Variants in ZFHX3 observed in about 807,000 individuals in gnomAD.
The protein encoded by ZFHX3 is zinc finger homeobox 3.
A neutral mutation model predicts 279.1 loss-of-function variants in ZFHX3; 42 were observed. That is an observed-to-expected ratio of 0.15 (90% CI 0.12 to 0.19). ZFHX3 has a LOEUF of 0.19. Ranked by LOEUF, ZFHX3 falls within the 10% of genes least tolerant of loss-of-function variation. ZFHX3 has a pLI of 1.00. For synonymous variants in ZFHX3, 2,293 were observed against 1,957.8 expected (o/e 1.17, Z -4.52); for missense variants, 4,981 against 4,754.0 (o/e 1.05, Z -1.40).
At chr16:73,401,343 T>C (rs66517548) in intron 3 of ZFHX3, 1 of 119,642 alleles carries the variant, frequency 8.4e-6, no homozygotes, top group Non-Finnish European at 1.8e-5. Context: ...AACCCACAGG[T>C]ACATTTAAAA....
At chr16:73,161,660 C>T (rs886160640) in intron 5 of ZFHX3, among the ~76,000 whole-genome samples, 7 of 152,288 alleles carry the variant, frequency 4.6e-5, no homozygotes, top group Admixed American at 1.3e-4. Flanking sequence ...CACCACCTCT[C>T]GGCCCCTTCT....
chr16:72,956,304 T>G (rs895703344), intron 2 of ZFHX3, among the ~76,000 whole-genome samples: 5 of 152,170 alleles, frequency 3.3e-5, no homozygotes, highest in Admixed American at 1.3e-4. Flanking sequence ...CCTATTCCCA[T>G]GTCAATAATG....
At chr16:73,193,037 C>T (rs2144890643) in intron 5 of ZFHX3, among the ~76,000 whole-genome samples, 2 of 152,284 alleles carry the variant, frequency 1.3e-5, no homozygotes, top group Non-Finnish European at 1.5e-5. Context: ...AAGTGCTTTG[C>T]GTGGGTTCAG....
chr16:72,959,626 G>A lies in ZFHX3; in HGVS notation c.520C>T (p.Leu174Phe). The change falls in exon 2 of 10, where the codon CTC becomes TTC. Residue 174 changes from leucine to phenylalanine, a missense_variant. Around this residue, in one of 7 missense-constraint regions of ZFHX3, gnomAD observed 1,068 missense variants for 935.2 expected, o/e 1.14. Transcript: ENST00000268489. ...CCTTGCTTGCCCCCCGCGCCAGGGA[G>A]AGAGTTCAGGAAAAGCGAGGGGAGA... ...GPLPSLFLNS[L>F]PGAGGKQGDP... The A allele has an allele frequency of 1.2e-6, 2 of 1,614,130 alleles. No homozygotes were observed. The highest frequency in any genetic ancestry group is 1.7e-6 in the Non-Finnish European group (2 of 1,180,030).
chr16:73,336,038 A>T (rs1374916027), intron 3 of ZFHX3, among the ~76,000 whole-genome samples: 1 of 152,166 alleles, frequency 6.6e-6, no homozygotes, highest in Non-Finnish European at 1.5e-5. Flanking sequence ...AAGTTGTGTT[A>T]ACAGCTGGAG....
intron 1 of ZFHX3, among the ~76,000 whole-genome samples, chr16:72,967,760 CA>C (rs1201182514): frequency 0.036 from 2,929 of 81,602 alleles, 87 homozygotes; most frequent in African/African-American, 0.096. Flanking sequence ...ACTAAAAATA[CA>C]AAAAAAAAAA....
At chr16:73,205,226 G>A (rs1291953488) in intron 5 of ZFHX3, among the ~76,000 whole-genome samples, 3 of 152,088 alleles carry the variant, frequency 2.0e-5, no homozygotes, top group Admixed American at 2.0e-4. Flanking sequence ...AACCCACCTT[G>A]AGATCTCACA....
At chr16:73,642,255 G>A (rs1392372112) in intron 2 of ZFHX3, among the ~76,000 whole-genome samples, 2 of 152,172 alleles carry the variant, frequency 1.3e-5, no homozygotes, top group African/African-American at 2.4e-5. Flanking sequence ...CTGCAGCTCT[G>A]CTCTAAGTCT....
chr16:73,725,826 C>T (rs1037310621), intron 1 of ZFHX3, among the ~76,000 whole-genome samples: 4 of 152,304 alleles, frequency 2.6e-5, no homozygotes, highest in Non-Finnish European at 5.9e-5. Context: ...AGGCACCATA[C>T]CTTTATGCCA....
At position 72,957,998 on chromosome 16, in the gene ZFHX3, G is replaced by C; in HGVS notation, c.2148C>G (p.Gly716=). Residue 716 remains glycine (G), a synonymous_variant, in exon 2 of 10, where the codon GGC becomes GGG. Transcript: ENST00000268489. Reference sequence around the variant, plus strand: ...GCTTGTAACCACACGTGTAGCTCTCGCCTCGTGCCAGCCGGGGGTGGGGCT... The same window carrying C: ...GCTTGTAACCACACGTGTAGCTCTCCCCTCGTGCCAGCCGGGGGTGGGGCT... ...SGQPHPRLAR[G]ESYTCGYKPF... is the part of the protein sequence containing the mutation. 2 of 1,613,384 alleles carry C rather than the reference G, an allele frequency of 1.2e-6. No homozygotes were observed. The highest frequency in any genetic ancestry group is 1.7e-5 in the Admixed American group (1 of 60,006).
chr16:73,692,048 T>A lies in ZFHX3; in HGVS notation c.-1607-11808A>T. On this transcript the variant is annotated intron_variant, in intron 1 of 17. Coordinates refer to the ZFHX3 transcript ENST00000641206. Reference sequence around the variant, plus strand: ...CTGTTTTCAGATTGACCTTTTCCTGTTGCAGATCAATGTCACTGCTTTGTC... The same window carrying A: ...CTGTTTTCAGATTGACCTTTTCCTGATGCAGATCAATGTCACTGCTTTGTC... Among the ~76,000 whole-genome samples, 2 of 152,254 alleles carry A rather than the reference T, an allele frequency of 1.3e-5. 1 individual carries two copies. The highest frequency in any genetic ancestry group is 3.8e-4 in the East Asian group (2 of 5,196).
At chr16:73,813,291 C>G (rs1232655843) in intron 1 of ZFHX3, among the ~76,000 whole-genome samples, 6 of 151,642 alleles carry the variant, frequency 4.0e-5, no homozygotes, top group Non-Finnish European at 8.8e-5. Context: ...ACAAAATGCA[C>G]TAATAAGCGA....
chr16:73,034,582 G>A (rs80030975), intron 1 of ZFHX3, among the ~76,000 whole-genome samples: 1,581 of 152,320 alleles, frequency 0.01, 30 homozygotes, highest in African/African-American at 0.036. Context: ...AACCCACCAC[G>A]GAGAGGGTGA....
At chr16:73,277,947 C>T (rs954034919) in intron 4 of ZFHX3, among the ~76,000 whole-genome samples, 2 of 152,052 alleles carry the variant, frequency 1.3e-5, no homozygotes, top group African/African-American at 4.8e-5. Context: ...AACAGGATCT[C>T]ATGAGAATTC....
intron 4 of ZFHX3, among the ~76,000 whole-genome samples, chr16:73,275,710 A>T (rs547943796): frequency 6.6e-6 from 1 of 152,350 alleles, no homozygotes; most frequent in Admixed American, 6.5e-5. Flanking sequence ...AATTTAAAAT[A>T]CTTTATTGCT....
intron 2 of ZFHX3, among the ~76,000 whole-genome samples, chr16:73,551,507 G>A (rs556594204): frequency 6.6e-6 from 1 of 152,286 alleles, no homozygotes; most frequent in Admixed American, 6.5e-5. Flanking sequence ...CAAGGGTGAG[G>A]GAGGTGTAGT....
chr16:73,070,483 C>T (rs544884425), intron 8 of ZFHX3, among the ~76,000 whole-genome samples: 11 of 152,242 alleles, frequency 7.2e-5, no homozygotes, highest in Admixed American at 2.0e-4. Context: ...AATAGCTTTT[C>T]CTCTCCGAAT....
intron 7 of ZFHX3, among the ~76,000 whole-genome samples, chr16:73,096,049 A>C (rs1010157920): frequency 6.6e-6 from 1 of 152,120 alleles, no homozygotes; most frequent in African/African-American, 2.4e-5. Flanking sequence ...AAGGGTGGAG[A>C]GGGGCCTGGA....
chr16:73,447,162 C>T (rs1008247858), intron 3 of ZFHX3, among the ~76,000 whole-genome samples: 2 of 135,226 alleles, frequency 1.5e-5, no homozygotes, highest in Non-Finnish European at 3.1e-5. Context: ...GCCTGGGCAA[C>T]AGAGCAAGAC....
Sources: allele counts gnomAD v4.1 joint callset (sites outside exome capture counted in the v4.1 genomes callset), GRCh38; gene constraint gnomAD v4.1.1; regional missense constraint gnomAD v4.1.1; transcripts MANE v1.5; gene names NCBI Gene and HGNC (gene_info 2026-07-23, HGNC 2026-07-21).